The following UNC13C variants were observed in gnomAD, a reference collection of about 807,000 sequenced individuals.
UNC13C encodes unc-13 homolog C, also known as protein unc-13 homolog C.
Under a neutral mutation model 245.4 loss-of-function variants are expected in UNC13C, and 174 were observed. That is an observed-to-expected ratio of 0.71 (90% CI 0.63 to 0.80). The LOEUF is 0.80. Ranked by LOEUF, UNC13C falls within the 30% of genes least tolerant of loss-of-function variation. UNC13C has a pLI of 0.00. For missense variants in UNC13C, 2,829 were observed against 2,602.9 expected (o/e 1.09, Z -1.89); for synonymous variants, 992 against 895.1 (o/e 1.11, Z -1.93).
At chr15:54,341,756 C>G (rs1015319941) in intron 17 of UNC13C, among the ~76,000 whole-genome samples, 2 of 152,010 alleles carry the variant, frequency 1.3e-5, no homozygotes, top group African/African-American at 4.8e-5. Flanking sequence ...GCAGGTAGAT[C>G]ACGAGGTCAG....
At chr15:54,382,882 GA>G (rs1276098309) in intron 17 of UNC13C, among the ~76,000 whole-genome samples, 1 of 152,036 alleles carries the variant, frequency 6.6e-6, no homozygotes, top group Non-Finnish European at 1.5e-5. Flanking sequence ...CTGATATTTT[GA>G]AATACAAAAG....
intron 24 of UNC13C, among the ~76,000 whole-genome samples, chr15:54,522,769 G>C (rs921942795): frequency 6.6e-6 from 1 of 152,058 alleles, no homozygotes; most frequent in Non-Finnish European, 1.5e-5. Context: ...TTTTCATTGT[G>C]TATATTCCTC....
chr15:54,484,440 G>A (rs1165521997), intron 19 of UNC13C, among the ~76,000 whole-genome samples: 1 of 152,172 alleles, frequency 6.6e-6, no homozygotes, highest in Non-Finnish European at 1.5e-5. Context: ...TTAAAACCAT[G>A]AGCTGAATTG....
At chr15:54,210,236 TAATA>T (rs1053848656) in intron 4 of UNC13C, among the ~76,000 whole-genome samples, 4 of 84,808 alleles carry the variant, frequency 4.7e-5, no homozygotes, top group Middle Eastern at 7.0e-3. Context: ...TTAACTGCAT[TAATA>T]TATATATATA....
intron 4 of UNC13C, among the ~76,000 whole-genome samples, chr15:54,225,715 A>G (rs1258505573): frequency 1.3e-5 from 2 of 152,210 alleles, no homozygotes; most frequent in African/African-American, 2.4e-5. Flanking sequence ...TGGGCTGACA[A>G]GATGGGTTTT....
rs943126999 is a variant in UNC13C, at chr15:54,265,369, G to C, written c.3691G>C (p.Gly1231Arg). 5 of 1,569,818 alleles carry C rather than the reference G, an allele frequency of 3.2e-6. No homozygotes were observed. The African/African-American group carries it at 6.8e-5, about 21-fold the overall frequency. ...KITITVVSAQ[G>R]LQAKDKTGSS... ...GTTTATTTCAGTGGTTTCTGCACAGGGTCTACAGGCAAAAGATAAAACAGG... is the reference window on the plus strand; with the variant it reads ...GTTTATTTCAGTGGTTTCTGCACAGCGTCTACAGGCAAAAGATAAAACAGG... Residue 1231 changes from glycine to arginine, a missense_variant, in exon 10 of 33, where the codon GGT (glycine) becomes CGT (arginine). By Grantham distance (125) the Gly-to-Arg change is moderately radical. Coordinates refer to ENST00000260323, the MANE Select transcript of UNC13C (RefSeq NM_001080534.3).
chr15:54,280,359 T>C (rs2036944349), intron 10 of UNC13C, among the ~76,000 whole-genome samples: 2 of 151,892 alleles, frequency 1.3e-5, no homozygotes, highest in Non-Finnish European at 2.9e-5. Flanking sequence ...TACGATCCCA[T>C]ATTTGTCACA....
At chr15:54,326,119 T>C (rs550485919) in intron 14 of UNC13C, among the ~76,000 whole-genome samples, 1 of 152,026 alleles carries the variant, frequency 6.6e-6, no homozygotes, top group South Asian at 2.1e-4. Flanking sequence ...AAGGAAATAG[T>C]GTGAGAGTCC....
At chr15:53,961,570 A>AT in the UNC13C span, among the ~76,000 whole-genome samples, 1 of 152,142 alleles carries the variant, frequency 6.6e-6, no homozygotes, top group Non-Finnish European at 1.5e-5. Flanking sequence ...TTGAATCTTG[A>AT]TTTTCTTACT....
chr15:53,974,462 C>T (rs1225377536), upstream of UNC13C, among the ~76,000 whole-genome samples: 1 of 152,146 alleles, frequency 6.6e-6, no homozygotes, highest in Non-Finnish European at 1.5e-5. Flanking sequence ...AATGAATGAA[C>T]CATGGTCTCT....
intron 2 of UNC13C, among the ~76,000 whole-genome samples, chr15:54,113,689 G>T (rs2029998827): frequency 6.6e-6 from 1 of 152,064 alleles, no homozygotes; most frequent in Admixed American, 6.5e-5. Flanking sequence ...AGCTGGGCGT[G>T]GTGGCACAAG....
Position 54,532,991 on chromosome 15 carries a change from C to G in UNC13C, c.5621C>G (p.Thr1874Ser). 6.3e-7 allele frequency: 1 copy of G among 1,599,960 alleles called. No individual in the cohort carries two copies. The highest frequency in any genetic ancestry group is 8.5e-7 in the Non-Finnish European group (1 of 1,171,846). Residue 1874 changes from threonine to serine, a missense_variant, in exon 26 of 33, where the codon ACC becomes AGC. By Grantham distance (58) the Thr-to-Ser change is moderately conservative. Coordinates refer to ENST00000260323, the MANE Select transcript of UNC13C (RefSeq NM_001080534.3). ...ELNQMRANGN[T>S]TSNKNSAAMD... ...AATCAAATGAGAGCAAATGGAAACA[C>G]CACATCTAATAAGAACAGTGCAGCA...
At chr15:53,983,576 G>A (rs769365797) in intron 1 of UNC13C, among the ~76,000 whole-genome samples, 1 of 152,034 alleles carries the variant, frequency 6.6e-6, no homozygotes, top group Non-Finnish European at 1.5e-5. Context: ...TTACTGGAGA[G>A]TGGTTGAAGA....
At chr15:54,143,092 T>C in intron 3 of UNC13C, 52 bp downstream of exon 3, 1 of 1,523,814 alleles carries the variant, frequency 6.6e-7, no homozygotes. Context: ...CTTTTGTACA[T>C]GTTTGTTTGT....
chr15:53,943,632 G>T, the UNC13C span, among the ~76,000 whole-genome samples: 1 of 152,032 alleles, frequency 6.6e-6, no homozygotes, highest in Non-Finnish European at 1.5e-5. Flanking sequence ...TGATTTAAAA[G>T]TTAAACTTCC....
chr15:54,351,248 G>A (rs12916750), intron 17 of UNC13C, among the ~76,000 whole-genome samples: 71,070 of 151,958 alleles, frequency 0.47, 16,977 homozygotes, highest in East Asian at 0.73. Context: ...GATATCCAGT[G>A]AAGTGCGCAG....
At chr15:54,075,330 A>G (rs1898540715) in intron 2 of UNC13C, among the ~76,000 whole-genome samples, 1 of 151,926 alleles carries the variant, frequency 6.6e-6, no homozygotes, top group Non-Finnish European at 1.5e-5. Context: ...CTAAAAATAC[A>G]AAAAATTAGC....
At chr15:53,860,229 CA>C in the UNC13C span, among the ~76,000 whole-genome samples, 79 of 150,590 alleles carry the variant, frequency 5.2e-4, no homozygotes, top group African/African-American at 1.9e-3. Flanking sequence ...AGGTTAGATT[CA>C]GATGATAATC....
chr15:54,421,229 G>A (rs531678210), intron 19 of UNC13C, among the ~76,000 whole-genome samples: 5 of 151,852 alleles, frequency 3.3e-5, no homozygotes, highest in Middle Eastern at 6.8e-3. Flanking sequence ...CTAGATTGAT[G>A]TATTCATGAT....
Sources: gnomAD v4.1 joint callset for allele counts (sites outside exome capture counted in the v4.1 genomes callset) on GRCh38, gnomAD v4.1.1 for gene constraint, MANE v1.5 for transcripts, NCBI Gene and HGNC (gene_info 2026-07-23, HGNC 2026-07-21) for gene names.